Variants in DRD3 observed in about 807,000 individuals in gnomAD.
DRD3 encodes the protein D(3) dopamine receptor.
DRD3 carries 19 observed loss-of-function variants against 36.3 expected under a neutral mutation model. The observed-to-expected ratio is 0.52, with a 90% CI of 0.36 to 0.77. DRD3 has a LOEUF of 0.77. Ranked by LOEUF, DRD3 falls within the 30% of genes least tolerant of loss-of-function variation. The pLI is 0.00. For synonymous variants in DRD3, 195 were observed against 203.7 expected (o/e 0.96, Z 0.36); for missense variants, 465 against 505.3 (o/e 0.92, Z 0.77).
chr3:114,187,640 G>A (rs897704738), intron 1 of DRD3, among the ~76,000 whole-genome samples: 17 of 152,090 alleles, frequency 1.1e-4, no homozygotes, highest in Admixed American at 1.1e-3. Context: ...GTTTGAAAAG[G>A]GACAAATATT....
chr3:114,130,090 A>T (rs534575665), intron 6 of DRD3, among the ~76,000 whole-genome samples: 1 of 152,022 alleles, frequency 6.6e-6, no homozygotes, highest in Admixed American at 6.6e-5. Context: ...ACTACAAAAA[A>T]CAAATAAAAA....
At position 114,185,316 on chromosome 3, in the gene DRD3, C is replaced by T. The variant is rs558928997; in HGVS notation, c.-155-6540G>A. Among the ~76,000 whole-genome samples the T allele has an allele frequency of 3.3e-4, 50 of 152,168 alleles. No individual in the cohort carries two copies. The South Asian group carries it at 7.3e-3, about 22-fold the overall frequency. ...TCTTCAATCGTTTTTCTTTTTGTTC[C>T]TCAGACTGATAATTTTCATTGTATC... is the stretch of plus-strand genomic sequence containing the variant. On this transcript the variant is annotated intron_variant, in intron 1 of 7. Transcript: ENST00000460779.
intron 1 of DRD3, among the ~76,000 whole-genome samples, chr3:114,186,319 G>T (rs1171385598): frequency 6.6e-6 from 1 of 152,180 alleles, no homozygotes; most frequent in African/African-American, 2.4e-5. Context: ...TAGAGACAGG[G>T]TTTCTCCATG....
At chr3:114,150,631 G>A (rs1471681283) in intron 3 of DRD3, among the ~76,000 whole-genome samples, 1 of 152,172 alleles carries the variant, frequency 6.6e-6, no homozygotes, top group Non-Finnish European at 1.5e-5. Flanking sequence ...CAGGCTCAGG[G>A]ATCTAAGGTA....
intron 2 of DRD3, among the ~76,000 whole-genome samples, 165 bp downstream of exon 2, chr3:114,171,558 T>A (rs1219849975): frequency 1.3e-5 from 2 of 152,216 alleles, no homozygotes; most frequent in East Asian, 1.9e-4. Context: ...GGATGGTGAC[T>A]GTTTTCCAGA....
At chr3:114,164,500 T>A (rs975199170) in intron 2 of DRD3, among the ~76,000 whole-genome samples, 1 of 152,048 alleles carries the variant, frequency 6.6e-6, no homozygotes, top group African/African-American at 2.4e-5. Flanking sequence ...TTACTGATTA[T>A]AAGGCAGCAT....
In DRD3 at chr3:114,171,720, C is replaced by T; in HGVS notation, c.270+3G>A. 6.3e-7 allele frequency: 1 copy of T among 1,589,254 alleles called. No individual in the cohort carries two copies. Among genetic ancestry groups the T allele is most frequent in the Non-Finnish European group, 8.6e-7 (1 of 1,167,074 alleles). On this transcript the variant is annotated splice_donor_region_variant and intron_variant, in intron 2 of 6. Coordinates refer to ENST00000383673, the MANE Select transcript of DRD3 (RefSeq NM_000796.6). Reference sequence around the variant, plus strand: ...AGACAACATGCACCTGAAGTCTACTCACCTCCAGGTATACCACCCAGGGCA... The same window carrying T: ...AGACAACATGCACCTGAAGTCTACTTACCTCCAGGTATACCACCCAGGGCA...
chr3:114,190,411 A>AAAATATAT (rs1368425474), intron 1 of DRD3, among the ~76,000 whole-genome samples: 1 of 40,870 alleles, frequency 2.4e-5, no homozygotes, highest in Non-Finnish European at 4.3e-5. Flanking sequence ...GAAAAAGGAT[A>AAAATATAT]ATATATATAT....
intron 1 of DRD3, among the ~76,000 whole-genome samples, chr3:114,177,997 G>A (rs188310183): frequency 1.3e-5 from 2 of 152,214 alleles, no homozygotes; most frequent in Admixed American, 6.5e-5. Flanking sequence ...TATTTTGATG[G>A]TATTCAATTA....
intron 3 of DRD3, among the ~76,000 whole-genome samples, chr3:114,155,486 G>A (rs934768426): frequency 6.6e-6 from 1 of 152,168 alleles, no homozygotes; most frequent in Non-Finnish European, 1.5e-5. Context: ...ACTCTTGTTG[G>A]TTGCGTTTTA....
At chr3:114,143,653 A>G (rs1431840515) in intron 4 of DRD3, among the ~76,000 whole-genome samples, 3 of 152,072 alleles carry the variant, frequency 2.0e-5, no homozygotes, top group Non-Finnish European at 4.4e-5. Flanking sequence ...TGCTTCTACT[A>G]TTCTCTTAAC....
intron 2 of DRD3, among the ~76,000 whole-genome samples, chr3:114,164,288 G>T (rs1197006068): frequency 1.5e-5 from 2 of 135,128 alleles, no homozygotes; most frequent in African/African-American, 5.6e-5. Flanking sequence ...GCTTTTTAGA[G>T]ACATGATTCT....
intron 2 of DRD3, 132 bp downstream of exon 2, chr3:114,171,591 G>T: frequency 2.6e-6 from 3 of 1,170,306 alleles, no homozygotes; most frequent in Non-Finnish European, 3.5e-6. Context: ...TCATTACAGG[G>T]AGAATGAGAG....
At chr3:114,137,426 T>C (rs151128256) in intron 5 of DRD3, among the ~76,000 whole-genome samples, 4 of 152,376 alleles carry the variant, frequency 2.6e-5, no homozygotes, top group Middle Eastern at 3.4e-3. Flanking sequence ...ATCCTCAGCC[T>C]TGGGTCTTGA....
rs919806441 is a variant in DRD3 at position 114,141,118 on chromosome 3, A to G, written c.527-1422T>C. Among the ~76,000 whole-genome samples, 7 of 152,230 alleles carry G rather than the reference A, an allele frequency of 4.6e-5. No homozygotes were observed. In the East Asian group the frequency reaches 9.7e-4, roughly 21 times the overall value. On this transcript the variant is annotated intron_variant, in intron 4 of 6. Transcript: ENST00000383673. ...TCGATCTCGGCTCACCGCAACCTCCATCTCCCAGGTTCAAGCGATTCTCCT... is the reference window on the plus strand; with the variant it reads ...TCGATCTCGGCTCACCGCAACCTCCGTCTCCCAGGTTCAAGCGATTCTCCT...
intron 1 of DRD3, among the ~76,000 whole-genome samples, chr3:114,186,809 G>T (rs933432315): frequency 1.3e-5 from 2 of 152,242 alleles, no homozygotes; most frequent in African/African-American, 2.4e-5. Flanking sequence ...CAGTGCAATT[G>T]TGTCTAGCTG....
At chr3:114,177,965 G>T (rs548724088) in intron 1 of DRD3, among the ~76,000 whole-genome samples, 1 of 152,250 alleles carries the variant, frequency 6.6e-6, no homozygotes, top group African/African-American at 2.4e-5. Context: ...CTTTGCTATT[G>T]CTGCATTATT....
chr3:114,193,055 A>G lies in DRD3; in HGVS notation c.-156+6218T>C, dbSNP rs909355821. ...AGCACTTTGGGAGGCCGAGGCGGGTAGATCACGAGGTCAGGAGATCGAGAC... is the reference window on the plus strand; with the variant it reads ...AGCACTTTGGGAGGCCGAGGCGGGTGGATCACGAGGTCAGGAGATCGAGAC... On this transcript the variant is annotated intron_variant, in intron 1 of 7. Coordinates refer to the DRD3 transcript ENST00000460779. 2.0e-5 allele frequency among the ~76,000 whole-genome samples: 3 copies of G among 152,014 alleles called. No individual in the cohort carries two copies. In the East Asian group the frequency reaches 5.8e-4, roughly 29 times the overall value.
chr3:114,166,519 C>T (rs1209936507), intron 2 of DRD3, among the ~76,000 whole-genome samples: 1 of 152,166 alleles, frequency 6.6e-6, no homozygotes, highest in Non-Finnish European at 1.5e-5. Flanking sequence ...CTCTTCTGCC[C>T]TCCCACCTTC....
Sources: gnomAD v4.1 joint callset for allele counts (sites outside exome capture counted in the v4.1 genomes callset) on GRCh38, gnomAD v4.1.1 for gene constraint, MANE v1.5 for transcripts, NCBI Gene and HGNC (gene_info 2026-07-23, HGNC 2026-07-21) for gene names.